Variants in MAST4 observed in about 807,000 individuals in gnomAD.
The protein encoded by MAST4 is microtubule-associated serine/threonine-protein kinase 4.
In MAST4, 89 loss-of-function variants were observed where a neutral mutation model predicts 162.7. The observed-to-expected ratio is 0.55, with a 90% confidence interval of 0.46 to 0.65. The LOEUF is 0.65. MAST4 is among the 30% of genes least tolerant of loss of function. The pLI is 0.00. For missense variants in MAST4, 3,153 were observed against 3,374.0 expected (o/e 0.93, Z 1.62); for synonymous variants, 1,479 against 1,361.1 (o/e 1.09, Z -1.91).
At chr5:66,748,901 G>A (rs867279913) in intron 1 of MAST4, among the ~76,000 whole-genome samples, 2 of 152,076 alleles carry the variant, frequency 1.3e-5, no homozygotes, top group African/African-American at 4.8e-5. Flanking sequence ...GTCTAGGACT[G>A]TAGAGGTCTT....
rs960276365 is a variant in MAST4 at position 67,077,966 on chromosome 5, G to A, written c.764-12196G>A. 3.3e-5 allele frequency among the ~76,000 whole-genome samples: 5 copies of A among 152,136 alleles called. No homozygotes were observed. The South Asian group carries it at 1.0e-3, about 32-fold the overall frequency. On this transcript the variant is annotated intron_variant, in intron 5 of 28. Coordinates refer to ENST00000403625, the MANE Select transcript of MAST4 (RefSeq NM_001164664.2). The stretch of plus-strand genomic sequence containing the variant: ...TACAACAAAATAGCTGGGCGTGGAG[G>A]TAGGCGCCTGTATTCCCAGCTACTA...
chr5:66,621,269 C>G (rs1744058848), intron 1 of MAST4, among the ~76,000 whole-genome samples: 3 of 152,206 alleles, frequency 2.0e-5, no homozygotes, highest in Admixed American at 2.0e-4. Context: ...CAAGGCACTA[C>G]TGTAAGGCAA....
intron 2 of MAST4, among the ~76,000 whole-genome samples, chr5:66,761,456 T>G (rs1398339734): frequency 2.6e-5 from 4 of 152,220 alleles, no homozygotes; most frequent in African/African-American, 9.6e-5. Flanking sequence ...ATATAAATAT[T>G]TTCACGGAAC....
intron 3 of MAST4, among the ~76,000 whole-genome samples, chr5:66,855,366 C>T (rs1344093973): frequency 6.6e-6 from 1 of 152,186 alleles, no homozygotes; most frequent in African/African-American, 2.4e-5. Context: ...GATGCCAGCA[C>T]CAACCTCTTT....
Position 67,167,150 on chromosome 5 carries a change from A to C in MAST4, c.*99A>C. On this transcript the variant is annotated 3_prime_UTR_variant, in exon 29 of 29. Coordinates refer to ENST00000403625, the MANE Select transcript of MAST4 (RefSeq NM_001164664.2). ...CCAGCACTGTGTGGGAATGTCCGCC[A>C]GGCAGAGCTCGGAGCCTCATTGAGA... 9.2e-7 allele frequency: 1 copy of C among 1,089,662 alleles called. No individual in the cohort carries two copies. Among genetic ancestry groups the C allele is most frequent in the South Asian group, 2.2e-5 (1 of 45,416 alleles). The allele number at this position is 1,089,662 out of a possible 1,614,324, so 67.5% of individuals were successfully genotyped here. A position where few individuals can be genotyped will look rare whatever the true frequency, so the allele number is the denominator to read the frequency against.
chr5:66,941,321 T>C (rs1743344868), intron 4 of MAST4, among the ~76,000 whole-genome samples: 1 of 152,172 alleles, frequency 6.6e-6, no homozygotes, highest in African/African-American at 2.4e-5. Context: ...TTGTCTACAT[T>C]GATAACATGT....
intron 13 of MAST4, among the ~76,000 whole-genome samples, chr5:67,118,992 C>T (rs1767254674): frequency 6.6e-6 from 1 of 152,102 alleles, no homozygotes; most frequent in South Asian, 2.1e-4. Flanking sequence ...CTAAATGTAA[C>T]AGATTACTAG....
intron 3 of MAST4, among the ~76,000 whole-genome samples, chr5:66,841,969 G>A (rs1260001138): frequency 6.6e-6 from 1 of 152,094 alleles, no homozygotes; most frequent in Admixed American, 6.6e-5. Flanking sequence ...AGCAATCCCT[G>A]TTTACATTAC....
chr5:66,915,517 G>A lies in MAST4; in HGVS notation c.674+15535G>A, dbSNP rs543340875. On this transcript the variant is annotated intron_variant, in intron 4 of 28. Transcript: ENST00000403625. ...TAAAAGTAATTGGAAGAAAATTTTA[G>A]CATTTGAACTAGTGTACTTAAGAAA... Among the ~76,000 whole-genome samples, 14 of 152,276 alleles carry A rather than the reference G, an allele frequency of 9.2e-5. No individual in the cohort carries two copies. In the South Asian group the frequency reaches 2.9e-3, roughly 32 times the overall value.
intron 3 of MAST4, among the ~76,000 whole-genome samples, chr5:66,817,153 G>A (rs1580524685): frequency 6.6e-6 from 1 of 152,158 alleles, no homozygotes; most frequent in East Asian, 1.9e-4. Flanking sequence ...GTGGGACTGA[G>A]CCTTTTTCCT....
At chr5:66,618,485 ACT>A (rs375055296) in intron 1 of MAST4, among the ~76,000 whole-genome samples, 1 of 152,224 alleles carries the variant, frequency 6.6e-6, no homozygotes, top group East Asian at 1.9e-4. Flanking sequence ...CATGTAGAAG[ACT>A]CTAGATTTTA....
intron 4 of MAST4, chr5:66,917,169 C>T: frequency 5.6e-6 from 3 of 539,416 alleles, no homozygotes; most frequent in Admixed American, 6.1e-5. Context: ...CTGGTCATTA[C>T]TTTAAATTGC....
chr5:66,769,616 T>G (rs1279394031), intron 2 of MAST4, among the ~76,000 whole-genome samples: 1 of 152,176 alleles, frequency 6.6e-6, no homozygotes, highest in South Asian at 2.1e-4. Context: ...TGTAACACAA[T>G]GTATAACAAA....
chr5:66,611,321 CTT>C (rs1329031601), intron 1 of MAST4, among the ~76,000 whole-genome samples: 2 of 152,198 alleles, frequency 1.3e-5, no homozygotes, highest in Non-Finnish European at 2.9e-5. Context: ...TTAGGGGCCT[CTT>C]TGTTTTTGGA....
At chr5:66,971,560 C>T (rs1197439358) in intron 4 of MAST4, among the ~76,000 whole-genome samples, 1 of 152,182 alleles carries the variant, frequency 6.6e-6, no homozygotes, top group African/African-American at 2.4e-5. Flanking sequence ...TTCTTTGGGC[C>T]TCACAGCTCA....
At chr5:67,149,698 C>A (rs180992392) in intron 24 of MAST4, 109 bp downstream of exon 24, 3 of 1,093,620 alleles carry the variant, frequency 2.7e-6, no homozygotes, top group East Asian at 2.6e-5. Flanking sequence ...GAAGTAATAA[C>A]GGGTCATGTC....
intron 7 of MAST4, among the ~76,000 whole-genome samples, chr5:67,097,781 A>G (rs900524074): frequency 1.3e-5 from 2 of 152,114 alleles, no homozygotes; most frequent in Admixed American, 6.5e-5. Context: ...CCTTTTGCCA[A>G]TAGAGAGAAG....
intron 3 of MAST4, among the ~76,000 whole-genome samples, chr5:66,848,469 T>C (rs945327597): frequency 6.6e-6 from 1 of 152,182 alleles, no homozygotes. Context: ...GTTTGTTTAC[T>C]AAGAATTACT....
intron 24 of MAST4, among the ~76,000 whole-genome samples, chr5:67,150,121 C>T (rs1363583182): frequency 6.6e-6 from 1 of 152,212 alleles, no homozygotes; most frequent in East Asian, 1.9e-4. Flanking sequence ...TATGCTTCCT[C>T]CTACTGGTAG....
Sources: allele counts gnomAD v4.1 joint callset (sites outside exome capture counted in the v4.1 genomes callset), GRCh38; gene constraint gnomAD v4.1.1; transcripts MANE v1.5; gene names NCBI Gene and HGNC (gene_info 2026-07-23, HGNC 2026-07-21).